SNX15: variants seen among roughly 807,000 people sequenced by gnomAD.
The protein encoded by SNX15 is sorting nexin-15.
In SNX15, 29 loss-of-function variants were observed where a neutral mutation model predicts 35.2. The observed-to-expected ratio is 0.82, with a 90% CI of 0.61 to 1.12. SNX15 has a LOEUF of 1.12. Ranked by LOEUF, SNX15 falls within the 50% of genes most tolerant of loss-of-function variation. The pLI, the probability that SNX15 is intolerant of heterozygous loss-of-function variation, is 0.00. For synonymous variants in SNX15, 189 were observed against 188.2 expected (o/e 1.00, Z -0.03); for missense variants, 400 against 451.5 (o/e 0.89, Z 1.03).
chr11:65,032,300 T>C, intron 2 of SNX15, 97 bp downstream of exon 2: 1 of 1,572,946 alleles, frequency 6.4e-7, no homozygotes, highest in Middle Eastern at 1.7e-4. Context: ...CGGCCCTCCT[T>C]CCTCCCTGTC....
chr11:65,033,458 C>T (rs765514301), intron 3 of SNX15, among the ~76,000 whole-genome samples: 6 of 148,396 alleles, frequency 4.0e-5, no homozygotes, highest in Non-Finnish European at 7.4e-5. Context: ...GAAGGAGAAT[C>T]GCTTGAACCT....
At chr11:65,028,889 C>G (rs1239402339) in intron 1 of SNX15, among the ~76,000 whole-genome samples, 1 of 151,560 alleles carries the variant, frequency 6.6e-6, no homozygotes, top group African/African-American at 2.4e-5. Context: ...GTCAGGAGAT[C>G]GAGACCATCC....
chr11:65,032,778 G>A lies in SNX15; in HGVS notation c.256+227G>A, dbSNP rs76947251. Among the ~76,000 whole-genome samples, 321 of 152,346 alleles carry A rather than the reference G, an allele frequency of 2.1e-3. 1 individual carries two copies. Among genetic ancestry groups the A allele is most frequent in the African/African-American group, 7.2e-3 (301 of 41,580 alleles). On this transcript the variant is annotated intron_variant, in intron 3 of 7. Transcript: ENST00000377244. ...TTAACATTCCTGTTGGGCCAGGCGT[G>A]TGGCTCACGCCTGTAATCCTAGCAC...
rs1428101539 is a variant in SNX15, at chr11:65,038,688, G to T, written c.781G>T (p.Glu261Ter). The change falls in exon 7 of 8, where the codon GAA becomes TAA. Residue 261 changes from glutamate to a stop codon, truncating the protein, a stop_gained. Coordinates refer to ENST00000377244, the MANE Select transcript of SNX15 (RefSeq NM_013306.5). LOFTEE classifies it high-confidence loss of function. ...AGGGCAGGAGGAGGAAGAGGATGGG[G>T]AAGGAGGGCCCACCCCTGCCTACCT... The part of the protein sequence containing the change: ...PGGQEEEEDG[E>*]GGPTPAYLSQ... 1 of 1,610,844 alleles carries T rather than the reference G, an allele frequency of 6.2e-7. No individual in the cohort carries two copies. The highest frequency in any genetic ancestry group is 1.1e-5 in the South Asian group (1 of 90,574).
chr11:65,029,678 GC>G (rs1946419088), intron 1 of SNX15, among the ~76,000 whole-genome samples: 1 of 151,452 alleles, frequency 6.6e-6, no homozygotes, highest in African/African-American at 2.4e-5. Context: ...CTGGGTTCAT[GC>G]AGTTCTCCTG....
chr11:65,039,626 A>G, intron 7 of SNX15, 60 bp from the exon 8 acceptor site: 2 of 1,094,360 alleles, frequency 1.8e-6, no homozygotes, highest in Non-Finnish European at 2.8e-6. Flanking sequence ...GGACCCGACC[A>G]GGGGTTCTGA....
At chr11:65,027,770 A>T (rs896373953) in intron 1 of SNX15, 134 bp downstream of exon 1, 5 of 666,722 alleles carry the variant, frequency 7.5e-6, no homozygotes, top group Non-Finnish European at 1.3e-5. Flanking sequence ...GGGAGGTTGC[A>T]GTACGAGGCT....
intron 6 of SNX15, chr11:65,038,274 G>A (rs1590743045): frequency 2.7e-6 from 3 of 1,097,444 alleles, no homozygotes. Context: ...TGGATTTCTA[G>A]GTCAACTGGA....
intron 3 of SNX15, among the ~76,000 whole-genome samples, chr11:65,033,284 C>T (rs1276165066): frequency 2.6e-5 from 4 of 151,952 alleles, no homozygotes; most frequent in African/African-American, 9.7e-5. Context: ...ATGGCTCACA[C>T]CTGTAATCCC....
chr11:65,035,773 G>T, intron 6 of SNX15, 110 bp downstream of exon 6: 3 of 1,203,964 alleles, frequency 2.5e-6, no homozygotes, highest in South Asian at 3.2e-5. Context: ...AGGGAGAGAC[G>T]TCTCCTCAGC....
intron 6 of SNX15, chr11:65,037,538 C>G (rs1304906256): frequency 1.3e-5 from 2 of 152,240 alleles, no homozygotes; most frequent in Non-Finnish European, 2.9e-5. Flanking sequence ...CAAGACCCTT[C>G]ACAGACAGCT....
rs376337108 is a variant in SNX15, at chr11:65,027,815, C to G, written c.99+179C>G. 4.0e-4 allele frequency among the ~76,000 whole-genome samples: 61 copies of G among 152,206 alleles called. No individual in the cohort carries two copies. In the East Asian group the frequency reaches 0.011, roughly 28 times the overall value. On this transcript the variant is annotated intron_variant, in intron 1 of 7. Transcript: ENST00000377244. The stretch of plus-strand genomic sequence containing the variant: ...TCTTTAACCACCAGGGGGCGGGGTC[C>G]TGGGTGGGCGCTGTCTTTTTTAAAA...
chr11:65,032,758 A>C (rs1250997350), intron 3 of SNX15, among the ~76,000 whole-genome samples: 1 of 152,082 alleles, frequency 6.6e-6, no homozygotes, highest in Non-Finnish European at 1.5e-5. Context: ...ACCTTTTAAC[A>C]TTCCTGTTGG....
intron 5 of SNX15, 52 bp downstream of exon 5, chr11:65,035,258 G>C (rs780406321): frequency 6.1e-6 from 9 of 1,470,810 alleles, no homozygotes; most frequent in Non-Finnish European, 6.4e-6. Context: ...AGAGTGGGGA[G>C]GGCGGCCACA....
In SNX15 at chr11:65,032,534, C is replaced by T. The variant is rs1946452529; in HGVS notation, c.239C>T (p.Pro80Leu). ...FRRLEEFPAF[P>L]RAQVFGRFEA... Reference sequence around the variant, plus strand: ...CGCCTCGAGGAGTTCCCTGCTTTCCCCCGGGCCCAGGTGTTTGGTGAGTGT... The same window carrying T: ...CGCCTCGAGGAGTTCCCTGCTTTCCTCCGGGCCCAGGTGTTTGGTGAGTGT... The change falls in exon 3 of 8, where the codon CCC (proline) becomes CTC (leucine). Residue 80 changes from proline (P) to leucine (L), a missense_variant. Physicochemically the swap from Pro to Leu is moderately conservative, Grantham distance 98. Transcript: ENST00000377244. 1.2e-6 allele frequency: 2 copies of T among 1,614,024 alleles called. No homozygotes were observed. The highest frequency in any genetic ancestry group is 2.2e-5 in the South Asian group (2 of 91,090).
chr11:65,035,913 G>A (rs1034695665), intron 6 of SNX15: 2 of 397,410 alleles, frequency 5.0e-6, no homozygotes, highest in Middle Eastern at 6.4e-4. Flanking sequence ...CACTTCCCAT[G>A]TTGGGGCCAT....
chr11:65,027,594 G>C lies in SNX15; in HGVS notation c.57G>C (p.Arg19Ser). 6.2e-7 allele frequency: 1 copy of C among 1,614,138 alleles called. No individual in the cohort carries two copies. Among genetic ancestry groups the C allele is most frequent in the Non-Finnish European group, 8.5e-7 (1 of 1,180,022 alleles). ...FLRHYTVSDPRTHPKGYTEYK... is the reference protein window; with the variant it reads ...FLRHYTVSDPSTHPKGYTEYK... Reference sequence around the variant, plus strand: ...GGCACTACACAGTGTCGGACCCCAGGACTCACCCCAAGGGCTACACCGAGT... The same window carrying C: ...GGCACTACACAGTGTCGGACCCCAGCACTCACCCCAAGGGCTACACCGAGT... The change falls in exon 1 of 8, where the codon AGG (arginine) becomes AGC (serine). Residue 19 changes from arginine (R) to serine (S), a missense_variant. Arg to Ser is a moderately radical substitution (Grantham distance 110, BLOSUM62 -1). Transcript: ENST00000377244.
At chr11:65,037,794 G>T (rs1396759269) in intron 6 of SNX15, 1 of 152,220 alleles carries the variant, frequency 6.6e-6, no homozygotes, top group East Asian at 1.9e-4. Flanking sequence ...TACATGGAGG[G>T]CTGTAGGCCC....
At chr11:65,030,372 T>C (rs1424873832) in intron 1 of SNX15, among the ~76,000 whole-genome samples, 1 of 148,098 alleles carries the variant, frequency 6.8e-6, no homozygotes, top group Non-Finnish European at 1.5e-5. Context: ...ATTTTTTTTT[T>C]TGTAGAGACA....
Sources: allele counts gnomAD v4.1 joint callset (sites outside exome capture counted in the v4.1 genomes callset), GRCh38; gene constraint gnomAD v4.1.1; transcripts MANE v1.5; gene names NCBI Gene and HGNC (gene_info 2026-07-23, HGNC 2026-07-21).